Variants in MYO15A observed in about 807,000 individuals in gnomAD.
The protein encoded by MYO15A is unconventional myosin-XV.
Under a neutral mutation model 394.6 loss-of-function variants are expected in MYO15A, and 308 were observed. The observed-to-expected ratio is 0.78, with a 90% CI of 0.71 to 0.86. The LOEUF (loss-of-function observed/expected upper bound fraction) is 0.86. MYO15A is among the 40% of genes least tolerant of loss of function. The pLI is 0.00. For missense variants in MYO15A, 4,606 were observed against 4,799.1 expected (o/e 0.96, Z 1.19); for synonymous variants, 1,957 against 2,003.8 (o/e 0.98, Z 0.62).
chr17:18,125,206 T>A lies in MYO15A; in HGVS notation c.3731T>A (p.Ile1244Asn). ...ACCACTGTGCTGTCCAACCTCAAGA[T>A]TAGATTTGAACGGAACCTCATCTAC... ...QETTVLSNLK[I>N]RFERNLIYTY... Residue 1244 changes from isoleucine to asparagine, a missense_variant, in exon 4 of 66, where the codon ATT becomes AAT. Coordinates refer to ENST00000647165, the MANE Select transcript of MYO15A (RefSeq NM_016239.4). The A allele has an allele frequency of 6.2e-7, 1 of 1,614,104 alleles. No individual in the cohort carries two copies. The highest frequency in any genetic ancestry group is 8.5e-7 in the Non-Finnish European group (1 of 1,180,018).
chr17:18,136,366 G>A (rs376939731), intron 13 of MYO15A, 51 bp from the exon 14 acceptor site: 250 of 1,609,274 alleles, frequency 1.6e-4, no homozygotes, highest in African/African-American at 1.3e-3. Context: ...GGGGCTTTCC[G>A]GAGGCAGAGT....
Position 18,118,721 on chromosome 17 carries a change from A to G in MYO15A, c.-80A>G, listed in dbSNP as rs998810552. The G allele has an allele frequency of 2.5e-6, 4 of 1,599,454 alleles. No homozygotes were observed. The highest frequency in any genetic ancestry group is 1.3e-5 in the African/African-American group (1 of 74,620). On this transcript the variant is annotated 5_prime_UTR_variant, in exon 2 of 66. Coordinates refer to ENST00000647165, the MANE Select transcript of MYO15A (RefSeq NM_016239.4). The stretch of plus-strand genomic sequence containing the variant: ...GGCCGCGTGTCCAGCCGCGGGCAAG[A>G]GACAGAGCAGGTCCCTGTGTCTCCA...
chr17:18,159,399 T>C lies in MYO15A; in HGVS notation c.9229+52T>C, dbSNP rs142427389. 878 of 1,596,320 alleles carry C rather than the reference T, an allele frequency of 5.5e-4. 4 individuals are homozygous for C. The East Asian group carries it at 0.016, about 28-fold the overall frequency. On this transcript the variant is annotated intron_variant, in intron 54 of 65. Transcript: ENST00000647165. ...CTCTGGGCTAGGTGGGATCCAGCAC[T>C]GTGTGATCTCTACTGGTTGCCACTC... is the stretch of plus-strand genomic sequence containing the variant.
At chr17:18,118,494 G>A (rs980983440) in intron 1 of MYO15A, 88 bp from the exon 2 acceptor site, 5 of 449,570 alleles carry the variant, frequency 1.1e-5, no homozygotes, top group African/African-American at 7.9e-5. Context: ...CGACTCCGAG[G>A]CCAGAATGTC....
At chr17:18,111,711 CCTCA>C (rs1486617947) in intron 1 of MYO15A, among the ~76,000 whole-genome samples, 1 of 152,214 alleles carries the variant, frequency 6.6e-6, no homozygotes, top group African/African-American at 2.4e-5. Context: ...ACCCAGACCT[CCTCA>C]CTCAGAGCAG....
intron 15 of MYO15A, 136 bp from the exon 16 acceptor site, chr17:18,137,447 GC>G: frequency 1.4e-6 from 1 of 729,208 alleles, no homozygotes; most frequent in South Asian, 1.5e-5. Flanking sequence ...CCTGGGTGCA[GC>G]AGGAGCTGTG....
intron 15 of MYO15A, 112 bp downstream of exon 15, chr17:18,136,798 CTCCCTTCA>C: frequency 7.0e-7 from 1 of 1,425,248 alleles, no homozygotes; most frequent in Non-Finnish European, 9.5e-7. Context: ...AGGTGCCATC[CTCCCTTCA>C]TGGACCCCTC....
In MYO15A at chr17:18,121,486, A is replaced by G; in HGVS notation, c.2686A>G (p.Arg896Gly). ...QVRLPFHRPP[R>G]AGAWRAPLEH... is the part of the protein sequence containing the mutation. ...GCGCCTGCCCTTCCACCGACCGCCC[A>G]GGGCCGGGGCCTGGCGGGCGCCCCT... is the stretch of plus-strand genomic sequence containing the variant. The change falls in exon 2 of 66, where the codon AGG becomes GGG. Residue 896 changes from arginine to glycine, a missense_variant. By Grantham distance (125) the Arg-to-Gly change is moderately radical (BLOSUM62 -2). Coordinates refer to ENST00000647165, the MANE Select transcript of MYO15A (RefSeq NM_016239.4). This position sits in a 1 kb window ranked among gnomAD's most constrained non-coding sequence, Gnocchi z 5.3. 1.9e-6 allele frequency: 3 copies of G among 1,551,434 alleles called. No individual in the cohort carries two copies. Among genetic ancestry groups the G allele is most frequent in the African/African-American group, 2.7e-5 (2 of 73,218 alleles).
chr17:18,113,797 GACACACACACACACAC>G (rs4025536), intron 1 of MYO15A, among the ~76,000 whole-genome samples: 60,710 of 138,930 alleles, frequency 0.44, 14,635 homozygotes, highest in Non-Finnish European at 0.57. Context: ...CACCTCCCCT[GACACACACACACACAC>G]ACACACACAC....
At chr17:18,113,924 A>T (rs1239906551) in intron 1 of MYO15A, among the ~76,000 whole-genome samples, 2 of 151,682 alleles carry the variant, frequency 1.3e-5, no homozygotes, top group Non-Finnish European at 2.9e-5. Flanking sequence ...GGTCCTGGAG[A>T]TCGCTCCCTA....
chr17:18,152,153 T>A lies in MYO15A; in HGVS notation c.7935T>A (p.Ser2645Arg). Residue 2645 changes from serine to arginine, a missense_variant, in exon 42 of 66, where the codon AGT (serine) becomes AGA (arginine). Ser to Arg is a moderately radical substitution (Grantham distance 110, BLOSUM62 -1). This residue lies in a region of MYO15A where 2,776 missense variants were observed against 3,109.3 expected (regional missense o/e 0.89). Transcript: ENST00000647165. ...TGGCCCTGGTGAAGCCGGTGACCAG[T>A]GCACCAAGGCCATCCATGGCACCCA... ...EAVALVKPVT[S>R]APRPSMAPTS... The A allele has an allele frequency of 1.9e-6, 3 of 1,551,052 alleles. No homozygotes were observed. The highest frequency in any genetic ancestry group is 2.6e-6 in the Non-Finnish European group (3 of 1,147,170).
chr17:18,144,503 G>A lies in MYO15A; in HGVS notation c.6184G>A (p.Ala2062Thr), dbSNP rs776612317. The A allele has an allele frequency of 3.7e-6, 6 of 1,613,304 alleles. No individual in the cohort carries two copies. The highest frequency in any genetic ancestry group is 1.7e-5 in the Admixed American group (1 of 60,020). ...TGCCTGCCCTGTGTCTTAGGAACCT[G>A]CCTTTGGGATGCTGACAGTGCCCCT... is the stretch of plus-strand genomic sequence containing the variant. ...KFVQCHFKEP[A>T]FGMLTVPLRT... The change falls in exon 29 of 66, where the codon GCC becomes ACC. Residue 2062 changes from alanine to threonine, a missense_variant. Around this residue, in one of 2 missense-constraint regions of MYO15A, gnomAD observed 2,776 missense variants for 3,109.3 expected, o/e 0.89. Transcript: ENST00000647165.
chr17:18,151,233 C>T lies in MYO15A; in HGVS notation c.7597C>T (p.Pro2533Ser). Residue 2533 changes from proline to serine, a missense_variant, in exon 39 of 66, where the codon CCC becomes TCC. Around this residue, in one of 2 missense-constraint regions of MYO15A, gnomAD observed 2,776 missense variants for 3,109.3 expected, o/e 0.89. Transcript: ENST00000647165. The part of the protein sequence containing the change: ...PAPLAKAPRL[P>S]IKPVAAPVLA... ...CCCTCTGGCCAAGGCTCCAAGGCTC[C>T]CCATCAAGCCTGTGGCTGCCCCTGT... 6.2e-7 allele frequency: 1 copy of T among 1,614,132 alleles called. No homozygotes were observed. Among genetic ancestry groups the T allele is most frequent in the Non-Finnish European group, 8.5e-7 (1 of 1,180,032 alleles).
At chr17:18,126,667 C>G in intron 5 of MYO15A, 124 bp from the exon 6 acceptor site, 1 of 1,241,758 alleles carries the variant, frequency 8.1e-7, no homozygotes, top group South Asian at 1.2e-5. Flanking sequence ...TGGGAGCATT[C>G]CCCCAACAGG....
Position 18,171,675 on chromosome 17 carries a change from C to T in MYO15A, c.10120C>T (p.Arg3374Cys), listed in dbSNP as rs1195334111. 25 of 1,613,718 alleles carry T rather than the reference C, an allele frequency of 1.5e-5. No individual in the cohort carries two copies. The highest frequency in any genetic ancestry group is 1.7e-5 in the Non-Finnish European group (20 of 1,180,024). Residue 3374 changes from arginine (R) to cysteine (C), a missense_variant, in exon 63 of 66, where the codon CGT (arginine) becomes TGT (cysteine). Physicochemically the swap from Arg to Cys is radical, Grantham distance 180 (BLOSUM62 -3). This residue lies in a region of MYO15A where 2,776 missense variants were observed against 3,109.3 expected (regional missense o/e 0.89). Transcript: ENST00000647165. Reference sequence around the variant, plus strand: ...GGAGTACATCCCAGCCCAGCTCTACCGTACAACGGCAGGCTCGACCTGGCT... The same window carrying T: ...GGAGTACATCCCAGCCCAGCTCTACTGTACAACGGCAGGCTCGACCTGGCT... ...VQEYIPAQLY[R>C]TTAGSTWLNL...
rs1195586856 is a variant in MYO15A, at chr17:18,158,579, A to T, written c.9024A>T (p.Pro3008=). The T allele has an allele frequency of 6.2e-7, 1 of 1,614,076 alleles. No homozygotes were observed. The highest frequency in any genetic ancestry group is 1.1e-5 in the South Asian group (1 of 91,082). ...ADHGEDALAL[P]PYTMLEFAQK... ...ATGGGGAGGACGCCCTGGCGCTCCC[A>T]CCCTACACAATGCTCGAGTTTGCCC... Residue 3008 remains proline (P), a synonymous_variant, in exon 52 of 66, where the codon CCA becomes CCT. Coordinates refer to ENST00000647165, the MANE Select transcript of MYO15A (RefSeq NM_016239.4).
At chr17:18,176,526 C>CTTTT (rs1567669231) in intron 65 of MYO15A, 2 of 137,526 alleles carry the variant, frequency 1.5e-5, no homozygotes. Flanking sequence ...CTTCTCTTTT[C>CTTTT]TTTTTTTTAC....
At chr17:18,146,222 G>A (rs2046478852) in intron 30 of MYO15A, 115 bp downstream of exon 30, 2 of 1,125,434 alleles carry the variant, frequency 1.8e-6, no homozygotes, top group Admixed American at 2.0e-5. Context: ...GGGAAGCTCA[G>A]GCATGGAGGC....
chr17:18,126,092 G>A (rs548331978), intron 4 of MYO15A, among the ~76,000 whole-genome samples: 32 of 152,370 alleles, frequency 2.1e-4, no homozygotes, highest in African/African-American at 7.2e-4. Flanking sequence ...GTAGGCAGGA[G>A]CCCACCCAGG....
Sources: gnomAD v4.1 joint callset for allele counts (sites outside exome capture counted in the v4.1 genomes callset) on GRCh38, gnomAD v4.1.1 for gene constraint, gnomAD v4.1.1 regional missense constraint, Gnocchi (gnomAD v3.1) non-coding constraint, MANE v1.5 for transcripts, NCBI Gene and HGNC (gene_info 2026-07-23, HGNC 2026-07-21) for gene names.